FGF1: variants seen among roughly 807,000 people sequenced by gnomAD.
FGF1 encodes beta-endothelial cell growth factor.
In FGF1, 9 loss-of-function variants were observed where a neutral mutation model predicts 13.4. The observed-to-expected ratio is 0.67, with a 90% CI of 0.40 to 1.17. The LOEUF (loss-of-function observed/expected upper bound fraction) is 1.17, where lower values mean the gene tolerates loss of function less well. Among genes scored for constraint, FGF1 ranks in the 50% most tolerant of loss-of-function variants. The probability of loss-of-function intolerance (pLI) is 0.01; values close to 1 mark genes in which losing one functional copy is unlikely to be tolerated. For missense variants in FGF1, 156 were observed against 192.7 expected (o/e 0.81, Z 1.13); for synonymous variants, 93 against 79.0 (o/e 1.18, Z -0.94).
At chr5:142,691,354 G>A (rs1267265359) in intron 2 of FGF1, among the ~76,000 whole-genome samples, 6 of 151,860 alleles carry the variant, frequency 4.0e-5, no homozygotes, top group Non-Finnish European at 8.8e-5. Context: ...CCCGGGAGGT[G>A]GAGGTTGCAG....
At chr5:142,644,573 A>T (rs1268181049) in intron 1 of FGF1, among the ~76,000 whole-genome samples, 1 of 152,160 alleles carries the variant, frequency 6.6e-6, no homozygotes, top group African/African-American at 2.4e-5. Flanking sequence ...GGTTGCTTAC[A>T]ATTAAGAAAC....
rs1754431346 is a variant in FGF1 at position 142,592,411 on chromosome 5, C to T, written c.*2879G>A. On this transcript the variant is annotated 3_prime_UTR_variant, in exon 4 of 4. Transcript: ENST00000337706. ...TGCTCCAATCAGTTTTTTGTTCATA[C>T]ACACTGTTGGCCATTGTGAATCTTT... 2.5e-6 allele frequency: 1 copy of T among 398,446 alleles called. No homozygotes were observed. Among genetic ancestry groups the T allele is most frequent in the African/African-American group, 2.1e-5 (1 of 48,622 alleles). The allele number at this position is 398,446 out of a possible 1,614,324, so 24.7% of individuals were successfully genotyped here. A position where few individuals can be genotyped will look rare whatever the true frequency, so the allele number is the denominator to read the frequency against.
At chr5:142,617,929 G>A (rs1047596605) in intron 1 of FGF1, among the ~76,000 whole-genome samples, 4 of 152,180 alleles carry the variant, frequency 2.6e-5, no homozygotes, top group African/African-American at 7.2e-5. Context: ...AGGCAGCAAC[G>A]TTAGCAGGTC....
intron 1 of FGF1, among the ~76,000 whole-genome samples, chr5:142,652,754 G>C (rs949028205): frequency 6.6e-6 from 1 of 152,220 alleles, no homozygotes; most frequent in Non-Finnish European, 1.5e-5. Flanking sequence ...TGGGTGCCTC[G>C]GCGGTGGCCG....
intron 1 of FGF1, among the ~76,000 whole-genome samples, chr5:142,650,294 T>C (rs144401922): frequency 3.3e-5 from 5 of 152,260 alleles, no homozygotes; most frequent in African/African-American, 7.2e-5. Flanking sequence ...AGAGAGGGAA[T>C]CCATGACATT....
chr5:142,659,896 G>A (rs1768892648), intron 1 of FGF1, among the ~76,000 whole-genome samples: 1 of 152,176 alleles, frequency 6.6e-6, no homozygotes. Context: ...CTAGTCGAAG[G>A]GGAGAAATTC....
In FGF1 at chr5:142,652,505, G is replaced by A. The variant is rs138380453; in HGVS notation, c.-35+33452C>T. On this transcript the variant is annotated intron_variant, in intron 1 of 3. Coordinates refer to ENST00000337706, the MANE Select transcript of FGF1 (RefSeq NM_000800.5). ...TCCTGTGTAGGTCATCCCATTCAAG[G>A]CCCCTCACAAGGACCCTGTGAGCTA... 2.3e-3 allele frequency among the ~76,000 whole-genome samples: 349 copies of A among 152,178 alleles called. 2 individuals are homozygous for A. Among genetic ancestry groups the A allele is most frequent in the African/African-American group, 8.3e-3 (343 of 41,488 alleles).
chr5:142,616,768 G>T (rs994185190), intron 1 of FGF1, among the ~76,000 whole-genome samples: 5 of 152,172 alleles, frequency 3.3e-5, no homozygotes, highest in African/African-American at 1.2e-4. Context: ...TCTTCCCAGT[G>T]TGGATATCTT....
At chr5:142,599,742 A>T (rs746669232) in intron 3 of FGF1, among the ~76,000 whole-genome samples, 8 of 152,210 alleles carry the variant, frequency 5.3e-5, no homozygotes, top group Non-Finnish European at 1.2e-4. Flanking sequence ...CTATCTATAC[A>T]TGGTCAAACC....
intron 1 of FGF1, among the ~76,000 whole-genome samples, chr5:142,668,065 C>T (rs1237113013): frequency 6.6e-6 from 1 of 152,222 alleles, no homozygotes; most frequent in Admixed American, 6.5e-5. Flanking sequence ...CACGCCACTC[C>T]CTTTCTTTAA....
Position 142,659,417 on chromosome 5 carries a change from C to T in FGF1, c.-35+26540G>A, listed in dbSNP as rs1343800885. On this transcript the variant is annotated intron_variant, in intron 1 of 3. Transcript: ENST00000337706. ...CTAATTTTTGTATTTTTAGTAGAGA[C>T]AGGGTTTCACCATGTTGGCCAGGAT... Among the ~76,000 whole-genome samples the T allele has an allele frequency of 8.6e-5, 13 of 152,040 alleles. 1 individual carries two copies. The highest frequency in any genetic ancestry group is 8.5e-4 in the Admixed American group (13 of 15,262).
At chr5:142,641,364 G>A (rs1765174505) in intron 1 of FGF1, among the ~76,000 whole-genome samples, 1 of 151,860 alleles carries the variant, frequency 6.6e-6, no homozygotes, top group Non-Finnish European at 1.5e-5. Flanking sequence ...TTTTCTTCTT[G>A]TGTTTGTCAT....
intron 2 of FGF1, chr5:142,601,163 C>T (rs367689454): frequency 8.9e-5 from 45 of 506,128 alleles, no homozygotes; most frequent in African/African-American, 3.1e-4. Flanking sequence ...CTCACTCCCC[C>T]GGGCTCCCTC....
chr5:142,688,961 T>A (rs1250120801), upstream of FGF1, among the ~76,000 whole-genome samples: 10 of 152,186 alleles, frequency 6.6e-5, no homozygotes. Flanking sequence ...TCTCTGAAAA[T>A]CAGACATATA....
intron 2 of FGF1, chr5:142,601,210 G>C (rs190205016): frequency 1.7e-5 from 8 of 464,212 alleles, no homozygotes; most frequent in South Asian, 1.2e-4. Flanking sequence ...AGTAGGATCT[G>C]GCCAGCCTGC....
At chr5:142,637,535 G>A (rs919998795) in intron 1 of FGF1, among the ~76,000 whole-genome samples, 1 of 151,924 alleles carries the variant, frequency 6.6e-6, no homozygotes, top group Non-Finnish European at 1.5e-5. Context: ...TAGCCACGAT[G>A]GTCTCAATCT....
intron 2 of FGF1, among the ~76,000 whole-genome samples, chr5:142,691,829 A>G (rs2152070101): frequency 6.6e-6 from 1 of 152,320 alleles, no homozygotes; most frequent in East Asian, 1.9e-4. Context: ...TTGCATATAC[A>G]TTTATTACAT....
rs373664565 is a variant in FGF1, at chr5:142,654,973, C to T, written c.-35+30984G>A. 1.2e-4 allele frequency among the ~76,000 whole-genome samples: 18 copies of T among 152,324 alleles called. No homozygotes were observed. In the South Asian group the frequency reaches 3.3e-3, roughly 28 times the overall value. On this transcript the variant is annotated intron_variant, in intron 1 of 3. Coordinates refer to ENST00000337706, the MANE Select transcript of FGF1 (RefSeq NM_000800.5). ...GCAGGCTCCCACATCCAAACAGGGC[C>T]GGGCCTCAGCTCTGGCCCACCCCAG...
intron 1 of FGF1, among the ~76,000 whole-genome samples, chr5:142,649,202 C>T (rs1035231396): frequency 6.6e-6 from 1 of 152,182 alleles, no homozygotes; most frequent in Non-Finnish European, 1.5e-5. Flanking sequence ...TTCCTTGAGG[C>T]AACTGCTCTG....
Sources: gnomAD v4.1 joint callset for allele counts (sites outside exome capture counted in the v4.1 genomes callset) on GRCh38, gnomAD v4.1.1 for gene constraint, MANE v1.5 for transcripts, NCBI Gene and HGNC (gene_info 2026-07-23, HGNC 2026-07-21) for gene names.